KLHL29: variants seen among roughly 807,000 people sequenced by gnomAD.
KLHL29 encodes kelch like family member 29.
A neutral mutation model predicts 80.4 loss-of-function variants in KLHL29; 21 were observed. The observed-to-expected ratio is 0.26, with a 90% CI of 0.19 to 0.38. The LOEUF is 0.38. Among genes scored for constraint, KLHL29 ranks in the 10% least tolerant of loss-of-function variants. KLHL29 has a pLI of 1.00. For synonymous variants in KLHL29, 511 were observed against 526.8 expected (o/e 0.97, Z 0.41); for missense variants, 867 against 1,223.9 (o/e 0.71, Z 4.35).
chr2:23,482,017 G>A (rs1664810184), intron 2 of KLHL29, among the ~76,000 whole-genome samples: 1 of 152,164 alleles, frequency 6.6e-6, no homozygotes, highest in Non-Finnish European at 1.5e-5. Context: ...ACCCAGTTCA[G>A]GATTGTGGAA....
In KLHL29 at chr2:23,445,542, G is replaced by A. The variant is rs554294307; in HGVS notation, c.-153-30018G>A. On this transcript the variant is annotated intron_variant, in intron 1 of 13. Coordinates refer to ENST00000486442, the MANE Select transcript of KLHL29 (RefSeq NM_052920.2). ...GTCCATAGGCTGTTGGGTTGTTTCC[G>A]GTCTTTTTCTTGCACAGACAGTGCT... 5.9e-5 allele frequency among the ~76,000 whole-genome samples: 9 copies of A among 152,336 alleles called. No individual in the cohort carries two copies. In the East Asian group the frequency reaches 9.6e-4, roughly 16 times the overall value.
At chr2:23,520,717 T>C (rs1666067873) in intron 2 of KLHL29, among the ~76,000 whole-genome samples, 1 of 152,222 alleles carries the variant, frequency 6.6e-6, no homozygotes, top group Non-Finnish European at 1.5e-5. Context: ...GGATGAAAGT[T>C]TTCCCATGCT....
chr2:23,590,120 A>G (rs1375995963), intron 3 of KLHL29, among the ~76,000 whole-genome samples: 1 of 152,240 alleles, frequency 6.6e-6, no homozygotes, highest in Non-Finnish European at 1.5e-5. Flanking sequence ...GAGACGTTCA[A>G]GGTCACACAG....
intron 2 of KLHL29, among the ~76,000 whole-genome samples, chr2:23,555,401 G>T (rs974840391): frequency 2.0e-5 from 3 of 152,190 alleles, no homozygotes; most frequent in Admixed American, 2.0e-4. Flanking sequence ...TTTGATCCTA[G>T]TTAAGACCCA....
intron 2 of KLHL29, among the ~76,000 whole-genome samples, chr2:23,552,714 A>T (rs2103490399): frequency 6.8e-6 from 1 of 148,052 alleles, no homozygotes; most frequent in Non-Finnish European, 1.5e-5. Flanking sequence ...TGGTCCCCAG[A>T]GTGGAAGCAG....
intron 5 of KLHL29, among the ~76,000 whole-genome samples, chr2:23,648,276 T>TA (rs1402290576): frequency 6.6e-6 from 1 of 152,168 alleles, no homozygotes; most frequent in Non-Finnish European, 1.5e-5. Flanking sequence ...ACCCACTTCT[T>TA]ACAGTCATGA....
chr2:23,442,054 A>G (rs528122938), intron 1 of KLHL29, among the ~76,000 whole-genome samples: 1 of 152,116 alleles, frequency 6.6e-6, no homozygotes, highest in African/African-American at 2.4e-5. Flanking sequence ...TGGAGAAGCT[A>G]TCTTGGGTTA....
intron 5 of KLHL29, among the ~76,000 whole-genome samples, chr2:23,654,319 T>C (rs1377597772): frequency 6.6e-6 from 1 of 152,172 alleles, no homozygotes; most frequent in African/African-American, 2.4e-5. Context: ...TGCTTTCTTT[T>C]CAAACCCCAA....
intron 3 of KLHL29, among the ~76,000 whole-genome samples, chr2:23,588,650 T>C (rs1367511331): frequency 6.6e-6 from 1 of 152,212 alleles, no homozygotes; most frequent in Non-Finnish European, 1.5e-5. Flanking sequence ...AGTTTATTGA[T>C]TCTGAGTCTC....
chr2:23,398,420 A>T (rs1666507345), intron 1 of KLHL29, among the ~76,000 whole-genome samples: 1 of 152,276 alleles, frequency 6.6e-6, no homozygotes, highest in Non-Finnish European at 1.5e-5. Flanking sequence ...TATGGATTGG[A>T]TTCACAGACA....
At chr2:23,482,338 CT>C (rs1437672995) in intron 2 of KLHL29, among the ~76,000 whole-genome samples, 1 of 152,214 alleles carries the variant, frequency 6.6e-6, no homozygotes, top group Non-Finnish European at 1.5e-5. Context: ...GGCCTGTCTC[CT>C]TGCTTACCTC....
Position 23,407,910 on chromosome 2 carries a change from G to T in KLHL29, c.-154+22130G>T, listed in dbSNP as rs114155761. 2.5e-3 allele frequency among the ~76,000 whole-genome samples: 372 copies of T among 151,768 alleles called. 1 individual carries two copies. Among genetic ancestry groups the T allele is most frequent in the African/African-American group, 8.5e-3 (351 of 41,438 alleles). ...CATTAAATTCTTTGTTGGGTTTTTT[G>T]TTGTTGTTGTTGTTGTTGTTTTGAG... is the stretch of plus-strand genomic sequence containing the variant. On this transcript the variant is annotated intron_variant, in intron 1 of 13. Transcript: ENST00000486442.
chr2:23,606,173 T>TGAGAGAGAGAGAGG (rs1668718444), intron 3 of KLHL29, among the ~76,000 whole-genome samples: 2 of 80,602 alleles, frequency 2.5e-5, no homozygotes, highest in African/African-American at 1.0e-4. Flanking sequence ...TGTGTGTGCG[T>TGAGAGAGAGAGAGG]GAGAGAGAGA....
intron 2 of KLHL29, among the ~76,000 whole-genome samples, chr2:23,484,623 C>T (rs1427094137): frequency 6.6e-6 from 1 of 152,246 alleles, no homozygotes; most frequent in African/African-American, 2.4e-5. Context: ...AGCCACACCC[C>T]TGCCATTAGC....
intron 2 of KLHL29, among the ~76,000 whole-genome samples, chr2:23,553,796 C>T (rs532924802): frequency 3.3e-5 from 5 of 152,328 alleles, no homozygotes; most frequent in Non-Finnish European, 7.3e-5. Flanking sequence ...CCCCCTGCCC[C>T]GGATGCCCAG....
At chr2:23,438,997 T>G (rs1244822350) in intron 1 of KLHL29, among the ~76,000 whole-genome samples, 4 of 147,672 alleles carry the variant, frequency 2.7e-5, no homozygotes, top group Non-Finnish European at 4.5e-5. Flanking sequence ...ATCCTGTTAT[T>G]GGTCTATTCA....
At chr2:23,422,934 C>T (rs1190859734) in intron 1 of KLHL29, among the ~76,000 whole-genome samples, 1 of 152,252 alleles carries the variant, frequency 6.6e-6, no homozygotes, top group Non-Finnish European at 1.5e-5. Context: ...CACTCGCCCA[C>T]ACCTCTGTTG....
At chr2:23,392,547 C>T (rs924340793) in intron 1 of KLHL29, among the ~76,000 whole-genome samples, 9 of 152,092 alleles carry the variant, frequency 5.9e-5, no homozygotes, top group Non-Finnish European at 1.0e-4. Flanking sequence ...TCACTATATC[C>T]GAGTACTTTA....
intron 1 of KLHL29, among the ~76,000 whole-genome samples, chr2:23,406,622 T>A (rs373475198): frequency 2.0e-5 from 3 of 152,212 alleles, no homozygotes; most frequent in African/African-American, 7.2e-5. Context: ...TGGATAGTTC[T>A]TTTTATATCA....
Sources: gnomAD v4.1 joint callset for allele counts (sites outside exome capture counted in the v4.1 genomes callset) on GRCh38, gnomAD v4.1.1 for gene constraint, MANE v1.5 for transcripts, NCBI Gene and HGNC (gene_info 2026-07-23, HGNC 2026-07-21) for gene names.